The following HAUS6 variants were observed in gnomAD, a reference collection of about 807,000 sequenced individuals.
HAUS6 encodes the protein HAUS augmin like complex subunit 6.
In HAUS6, 80 loss-of-function variants were observed where a neutral mutation model predicts 106.8. The ratio of observed to expected loss-of-function variants is 0.75; its 90% CI spans 0.63 to 0.90. The LOEUF (loss-of-function observed/expected upper bound fraction) is 0.90. Among genes scored for constraint, HAUS6 ranks in the 40% least tolerant of loss-of-function variants. The pLI is 0.00. For missense variants in HAUS6, 1,155 were observed against 1,118.1 expected, an observed-to-expected ratio of 1.03 and a Z score of -0.47; for synonymous variants, 356 against 379.1, an observed-to-expected ratio of 0.94 and a Z score of 0.71.
intron 12 of HAUS6, among the ~76,000 whole-genome samples, chr9:19,068,412 C>A (rs1369084015): frequency 6.6e-6 from 1 of 151,636 alleles, no homozygotes; most frequent in African/African-American, 2.4e-5. Flanking sequence ...TTTCTTTAGG[C>A]ACTCAAAAAA....
intron 1 of HAUS6, among the ~76,000 whole-genome samples, chr9:19,101,002 G>C (rs889933454): frequency 9.2e-5 from 14 of 152,058 alleles, no homozygotes; most frequent in Admixed American, 6.6e-4. Context: ...TAGATAGAAG[G>C]AATAAGTTCT....
At chr9:19,081,881 A>G (rs1339331366) in intron 8 of HAUS6, among the ~76,000 whole-genome samples, 1 of 145,764 alleles carries the variant, frequency 6.9e-6, no homozygotes, top group African/African-American at 2.5e-5. Context: ...CCTGGCCAAC[A>G]TGGTGAAACC....
In HAUS6 at chr9:19,064,739, T is replaced by TA. The variant is rs767352178; in HGVS notation, c.1377-1160dup. Among the ~76,000 whole-genome samples the TA allele has an allele frequency of 8.1e-4, 124 of 152,344 alleles. 1 individual carries two copies. Among genetic ancestry groups the TA allele is most frequent in the Non-Finnish European group, 1.2e-3 (83 of 68,026 alleles). ...TCAAACTTTTTCAAATATGCACTCT[T>TA]AGAGTCTTTGCCTACGTTCCAAACA... is the stretch of plus-strand genomic sequence containing the variant. On this transcript the variant is annotated intron_variant, in intron 12 of 16. Coordinates refer to ENST00000380502, the MANE Select transcript of HAUS6 (RefSeq NM_017645.5).
chr9:19,074,479 C>A (rs1355351137), intron 11 of HAUS6, among the ~76,000 whole-genome samples: 1 of 152,052 alleles, frequency 6.6e-6, no homozygotes. Flanking sequence ...ACTATGTTGT[C>A]CAGGCTGGTC....
At position 19,057,962 on chromosome 9, in the gene HAUS6, C is replaced by G. The variant is rs762299116; in HGVS notation, c.2805G>C (p.Lys935Asn). The G allele has an allele frequency of 6.3e-7, 1 of 1,580,742 alleles. No homozygotes were observed. Among genetic ancestry groups the G allele is most frequent in the South Asian group, 1.1e-5 (1 of 88,588 alleles). The change falls in exon 16 of 17, where the codon AAG becomes AAC. Residue 935 changes from lysine (K) to asparagine (N), a missense_variant and splice_region_variant. Lys to Asn is a moderately conservative substitution (Grantham distance 94). This residue lies in a region of HAUS6 where 380 missense variants were observed against 394.8 expected (regional missense o/e 0.96). Coordinates refer to ENST00000380502, the MANE Select transcript of HAUS6 (RefSeq NM_017645.5). The part of the protein sequence containing the change: ...ACSLGELPNL[K>N]EEDILNKSLD... ...TGCATAGGTCTATTTAAACCTTACC[C>G]TTTAAATTAGGTAGTTCTCCAAGAC...
intron 3 of HAUS6, 87 bp from the exon 4 acceptor site, chr9:19,093,390 G>C: frequency 3.3e-6 from 4 of 1,206,048 alleles, no homozygotes; most frequent in Non-Finnish European, 4.8e-6. Flanking sequence ...TAAAGGGTGT[G>C]ACAGTCTTGC....
At position 19,076,657 on chromosome 9, in the gene HAUS6, G is replaced by C; in HGVS notation, c.1239C>G (p.Ala413=). The C allele has an allele frequency of 6.3e-7, 1 of 1,594,418 alleles. No homozygotes were observed. Among genetic ancestry groups the C allele is most frequent in the Non-Finnish European group, 8.6e-7 (1 of 1,162,972 alleles). The change falls in exon 11 of 17, where the codon GCC becomes GCG. Residue 413 remains alanine (A), a synonymous_variant. Coordinates refer to ENST00000380502, the MANE Select transcript of HAUS6 (RefSeq NM_017645.5). ...PPMSPLSFDP[A]SEEVYAKSIL... The stretch of plus-strand genomic sequence containing the variant: ...TACTCTTTGCATACACTTCTTCTGA[G>C]GCAGGATCAAACGAAAGGGGAGACA...
intron 10 of HAUS6, among the ~76,000 whole-genome samples, chr9:19,077,518 G>A (rs971264408): frequency 1.3e-5 from 2 of 152,092 alleles, no homozygotes; most frequent in African/African-American, 4.8e-5. Context: ...CTGGGCAATA[G>A]AGCAAGACTC....
chr9:19,080,648 C>T lies in HAUS6; in HGVS notation c.895G>A (p.Ala299Thr), dbSNP rs748607665. ...FQLHIGNVYEAGKLNLLTVIQ... is the reference protein window; with the variant it reads ...FQLHIGNVYETGKLNLLTVIQ... ...ACTGTTAAGAGGTTCAGTTTTCCAG[C>T]CTCATAAACATTTCCTATGTGCAAC... The change falls in exon 9 of 17, where the codon GCT (alanine) becomes ACT (threonine). Residue 299 changes from alanine to threonine, a missense_variant. Physicochemically the swap from Ala to Thr is moderately conservative, Grantham distance 58 (BLOSUM62 0). Transcript: ENST00000380502. The T allele has an allele frequency of 5.6e-6, 9 of 1,607,740 alleles. No homozygotes were observed. Among genetic ancestry groups the T allele is most frequent in the South Asian group, 1.1e-5 (1 of 90,694 alleles).
chr9:19,061,032 C>T (rs766980143), intron 14 of HAUS6, among the ~76,000 whole-genome samples: 2 of 152,146 alleles, frequency 1.3e-5, no homozygotes, highest in African/African-American at 2.4e-5. Flanking sequence ...GGCATGGTGG[C>T]GCATGCCTGT....
At position 19,056,180 on chromosome 9, in the gene HAUS6, C is replaced by A; in HGVS notation, c.*163G>T. The A allele has an allele frequency of 2.0e-6, 1 of 509,514 alleles. No individual in the cohort carries two copies. The highest frequency in any genetic ancestry group is 3.5e-6 in the Non-Finnish European group (1 of 286,056). 31.6% of individuals were successfully genotyped at this position (509,514 alleles called of 1,614,324 possible). On this transcript the variant is annotated 3_prime_UTR_variant, in exon 17 of 17. Transcript: ENST00000380502. ...GAGGAAAAAATCCAAACATACTTTC[C>A]TTACCTAAAAATATTAAAGAAGGCT...
chr9:19,074,920 CA>C (rs1315061912), intron 11 of HAUS6, among the ~76,000 whole-genome samples: 1 of 151,932 alleles, frequency 6.6e-6, no homozygotes, highest in Non-Finnish European at 1.5e-5. Context: ...TGTGAGCTTC[CA>C]CAAAAAACCT....
At chr9:19,060,928 G>A (rs112856853) in intron 14 of HAUS6, among the ~76,000 whole-genome samples, 10 of 152,074 alleles carry the variant, frequency 6.6e-5, no homozygotes, top group South Asian at 2.1e-4. Flanking sequence ...TTGGGAGGCC[G>A]AGACGGTCGG....
chr9:19,063,764 C>A (rs754071807), intron 12 of HAUS6, 184 bp from the exon 13 acceptor site: 7 of 748,730 alleles, frequency 9.3e-6, no homozygotes, highest in Admixed American at 1.7e-5. Flanking sequence ...GTATTTCAGC[C>A]CAATTTGTGT....
chr9:19,097,060 A>AT (rs1317305735), intron 1 of HAUS6, among the ~76,000 whole-genome samples: 1 of 152,220 alleles, frequency 6.6e-6, no homozygotes, highest in Non-Finnish European at 1.5e-5. Context: ...AACATGCCTT[A>AT]TAATGGTAAC....
rs774523829 is a variant in HAUS6 at position 19,058,839 on chromosome 9, G to C, written c.1928C>G (p.Thr643Ser). ...AGACTGGCCAAAATCTGATACAGTG[G>C]TTTCTAAGAGAAAATCAGCCATGCT... ...EFSMADFLLETTVSDFGQSHL... is the reference protein window; with the variant it reads ...EFSMADFLLESTVSDFGQSHL... The change falls in exon 16 of 17, where the codon ACC becomes AGC. Residue 643 changes from threonine to serine, a missense_variant. By Grantham distance (58) the Thr-to-Ser change is moderately conservative. Coordinates refer to ENST00000380502, the MANE Select transcript of HAUS6 (RefSeq NM_017645.5). 3.1e-6 allele frequency: 5 copies of C among 1,614,034 alleles called. No homozygotes were observed. The Admixed American group carries it at 8.3e-5, about 27-fold the overall frequency.
At chr9:19,094,226 C>A in intron 3 of HAUS6, 91 bp downstream of exon 3, 1 of 703,768 alleles carries the variant, frequency 1.4e-6, no homozygotes, top group South Asian at 1.7e-5. Flanking sequence ...AGCATTAAAG[C>A]ATTAAAAGGA....
intron 2 of HAUS6, among the ~76,000 whole-genome samples, chr9:19,094,658 G>A (rs770665810): frequency 2.0e-5 from 3 of 152,066 alleles, no homozygotes; most frequent in African/African-American, 7.2e-5. Flanking sequence ...TAGGCATAGT[G>A]GTGTGCGCCT....
chr9:19,061,023 G>C (rs1227271296), intron 14 of HAUS6, among the ~76,000 whole-genome samples: 1 of 152,190 alleles, frequency 6.6e-6, no homozygotes, highest in Non-Finnish European at 1.5e-5. Context: ...AATTAGCTGG[G>C]CATGGTGGCG....
Sources: allele counts gnomAD v4.1 joint callset (sites outside exome capture counted in the v4.1 genomes callset), GRCh38; gene constraint gnomAD v4.1.1; regional missense constraint gnomAD v4.1.1; transcripts MANE v1.5; gene names NCBI Gene and HGNC (gene_info 2026-07-23, HGNC 2026-07-21).